KAT6B: variants seen among roughly 807,000 people sequenced by gnomAD.
The protein encoded by KAT6B is histone acetyltransferase KAT6B.
KAT6B carries 10 observed loss-of-function variants against 187.5 expected under a neutral mutation model. That is an observed-to-expected ratio of 0.05 (90% CI 0.03 to 0.09). The LOEUF (loss-of-function observed/expected upper bound fraction) is 0.09. Among genes scored for constraint, KAT6B ranks in the 10% least tolerant of loss-of-function variants. The pLI is 1.00. For missense variants in KAT6B, 1,952 were observed against 2,558.9 expected (o/e 0.76, Z 5.12); for synonymous variants, 861 against 926.8 (o/e 0.93, Z 1.29).
At chr10:75,018,202 T>C (rs1270751302) in intron 13 of KAT6B, among the ~76,000 whole-genome samples, 1 of 152,216 alleles carries the variant, frequency 6.6e-6, no homozygotes, top group Non-Finnish European at 1.5e-5. Flanking sequence ...CCCTGCTTTC[T>C]CCTGGCCTTT....
chr10:75,021,055 ATG>A, intron 14 of KAT6B, 69 bp from the exon 15 acceptor site: 2 of 1,423,904 alleles, frequency 1.4e-6, no homozygotes, highest in South Asian at 2.3e-5. Flanking sequence ...GTGCTAGCAT[ATG>A]TCCGTATGTG....
chr10:74,854,486 AAG>A (rs1842690515), intron 3 of KAT6B, among the ~76,000 whole-genome samples: 1 of 151,902 alleles, frequency 6.6e-6, no homozygotes, highest in African/African-American at 2.4e-5. Context: ...TTTTTAATGA[AAG>A]GTGATATTTT....
chr10:74,951,958 A>G (rs1453472307), intron 3 of KAT6B, among the ~76,000 whole-genome samples: 1 of 152,246 alleles, frequency 6.6e-6, no homozygotes, highest in East Asian at 1.9e-4. Flanking sequence ...AGCAATGAAC[A>G]GTCTCTGCCA....
chr10:74,893,284 C>G (rs895890114), intron 3 of KAT6B, among the ~76,000 whole-genome samples: 1 of 152,182 alleles, frequency 6.6e-6, no homozygotes, highest in Non-Finnish European at 1.5e-5. Context: ...TCACACTTGC[C>G]GCCTTTCATT....
intron 10 of KAT6B, among the ~76,000 whole-genome samples, chr10:74,981,460 G>A (rs534679063): frequency 2.6e-5 from 4 of 152,036 alleles, no homozygotes; most frequent in African/African-American, 7.2e-5. Context: ...TGCAACCTCC[G>A]CCTCATGGGC....
intron 3 of KAT6B, among the ~76,000 whole-genome samples, chr10:74,853,589 C>T (rs1296042007): frequency 2.0e-5 from 3 of 148,316 alleles, no homozygotes; most frequent in Non-Finnish European, 4.5e-5. Flanking sequence ...CCACCGTGCT[C>T]AGCCTTTTAT....
At chr10:74,889,112 G>T (rs1845485244) in intron 3 of KAT6B, among the ~76,000 whole-genome samples, 1 of 151,996 alleles carries the variant, frequency 6.6e-6, no homozygotes, top group Non-Finnish European at 1.5e-5. Flanking sequence ...GTAAATACGT[G>T]GATAAAGGAC....
At chr10:74,931,131 A>T (rs1848840083) in intron 3 of KAT6B, among the ~76,000 whole-genome samples, 1 of 152,066 alleles carries the variant, frequency 6.6e-6, no homozygotes, top group Non-Finnish European at 1.5e-5. Flanking sequence ...AGTGTTGAGG[A>T]TTTTGTGGGG....
chr10:74,890,602 A>G (rs1324696629), intron 3 of KAT6B, among the ~76,000 whole-genome samples: 3 of 152,226 alleles, frequency 2.0e-5, no homozygotes, highest in Non-Finnish European at 4.4e-5. Context: ...TGAGTAGTAC[A>G]GTTTTCTCGG....
chr10:74,962,057 C>T (rs961439236), intron 4 of KAT6B, among the ~76,000 whole-genome samples: 3 of 152,062 alleles, frequency 2.0e-5, no homozygotes, highest in Non-Finnish European at 2.9e-5. Flanking sequence ...CTGGACTCTG[C>T]GATGGGATCC....
chr10:74,909,216 C>G (rs1396774089), intron 3 of KAT6B, among the ~76,000 whole-genome samples: 1 of 152,118 alleles, frequency 6.6e-6, no homozygotes, highest in Non-Finnish European at 1.5e-5. Flanking sequence ...ACTAAAAATA[C>G]AAAAATTAGC....
intron 11 of KAT6B, chr10:74,984,473 A>C (rs1156839776): frequency 6.5e-6 from 1 of 153,562 alleles, no homozygotes; most frequent in Non-Finnish European, 1.4e-5. Flanking sequence ...GTAGACTGTA[A>C]TCATAGTGCT....
rs747968644 is a variant in KAT6B at position 75,022,013 on chromosome 10, C to T, written c.3154C>T (p.Arg1052Trp). The T allele has an allele frequency of 1.1e-5, 18 of 1,613,836 alleles. No individual in the cohort carries two copies. The highest frequency in any genetic ancestry group is 6.7e-5 in the Admixed American group (4 of 59,966). ...TAAATATTTGCATTCCCCGGAGAGC[C>T]GGCCAGTCACAGGGGAGCGAGGGCA... ...KNKYLHSPESRPVTGERGQLL... is the reference protein window; with the variant it reads ...KNKYLHSPESWPVTGERGQLL... Residue 1052 changes from arginine to tryptophan, a missense_variant, in exon 16 of 18, where the codon CGG becomes TGG. This residue lies in a region of KAT6B where 758 missense variants were observed against 891.4 expected (regional missense o/e 0.85). Transcript: ENST00000287239.
chr10:74,874,361 C>G (rs1844238765), intron 3 of KAT6B, among the ~76,000 whole-genome samples: 1 of 152,044 alleles, frequency 6.6e-6, no homozygotes, highest in African/African-American at 2.4e-5. Context: ...TAGTTGTTTT[C>G]TTAGTTGATT....
At chr10:74,885,272 A>G (rs1293182263) in intron 3 of KAT6B, among the ~76,000 whole-genome samples, 3 of 151,932 alleles carry the variant, frequency 2.0e-5, no homozygotes, top group Non-Finnish European at 2.9e-5. Flanking sequence ...GGGTCTCTCT[A>G]TGTTGCCCAA....
intron 3 of KAT6B, among the ~76,000 whole-genome samples, chr10:74,924,209 G>A (rs1848333212): frequency 6.6e-6 from 1 of 152,084 alleles, no homozygotes; most frequent in Non-Finnish European, 1.5e-5. Context: ...ATTTAAAATA[G>A]CCCTCACTCC....
intron 3 of KAT6B, among the ~76,000 whole-genome samples, chr10:74,870,777 A>G (rs551638949): frequency 9.4e-4 from 142 of 151,352 alleles, no homozygotes; most frequent in African/African-American, 2.3e-3. Context: ...GGGGTTTTCC[A>G]TGTTGGTCAG....
intron 3 of KAT6B, among the ~76,000 whole-genome samples, chr10:74,931,911 C>T (rs1848908458): frequency 1.3e-5 from 2 of 151,908 alleles, no homozygotes; most frequent in South Asian, 2.1e-4. Flanking sequence ...AGAGTTTTGC[C>T]ATGTTGGCCA....
chr10:74,883,574 C>A (rs1845024312), intron 3 of KAT6B, among the ~76,000 whole-genome samples: 1 of 152,142 alleles, frequency 6.6e-6, no homozygotes, highest in Non-Finnish European at 1.5e-5. Context: ...AAATTATGAG[C>A]CATTTGTGAC....
Sources: allele counts gnomAD v4.1 joint callset (sites outside exome capture counted in the v4.1 genomes callset), GRCh38; gene constraint gnomAD v4.1.1; regional missense constraint gnomAD v4.1.1; transcripts MANE v1.5; gene names NCBI Gene and HGNC (gene_info 2026-07-23, HGNC 2026-07-21).